The following CPO variants were observed in gnomAD, a reference collection of about 807,000 sequenced individuals.
CPO encodes carboxypeptidase O, also known as metallocarboxypeptidase C.
Under a neutral mutation model 41.2 loss-of-function variants are expected in CPO, and 43 were observed. The observed-to-expected ratio is 1.04, with a 90% CI of 0.82 to 1.35. The LOEUF is 1.35. Ranked by LOEUF, CPO falls within the 40% of genes most tolerant of loss-of-function variation. The probability of loss-of-function intolerance (pLI) is 0.00; values close to 1 mark genes in which losing one functional copy is unlikely to be tolerated. For missense variants in CPO, 408 were observed against 451.7 expected (o/e 0.90, Z 0.88); for synonymous variants, 178 against 162.7 (o/e 1.09, Z -0.72).
At chr2:206,944,301 A>G (rs1274481664) in intron 1 of CPO, among the ~76,000 whole-genome samples, 2 of 152,048 alleles carry the variant, frequency 1.3e-5, no homozygotes, top group Non-Finnish European at 2.9e-5. Flanking sequence ...ATGAATTTTT[A>G]TGAATTTTAA....
intron 1 of CPO, among the ~76,000 whole-genome samples, chr2:206,943,083 G>C (rs1693058232): frequency 6.6e-6 from 1 of 152,162 alleles, no homozygotes; most frequent in South Asian, 2.1e-4. Context: ...ATTCCCCTCA[G>C]TGTTATGGCA....
chr2:206,949,838 A>T, intron 2 of CPO, 125 bp downstream of exon 2: 2 of 549,300 alleles, frequency 3.6e-6, no homozygotes, highest in Non-Finnish European at 3.3e-6. Flanking sequence ...AGATCTGCCA[A>T]TACATTGAGT....
rs756045381 is a variant in CPO, at chr2:206,969,161, T to G, written c.863-13T>G. 5 of 1,612,580 alleles carry G rather than the reference T, an allele frequency of 3.1e-6. No individual in the cohort carries two copies. Among genetic ancestry groups the G allele is most frequent in the Non-Finnish European group, 4.2e-6 (5 of 1,178,638 alleles). ...TATGACTTCTACCTCTGCCTTCATG[T>G]TTTCACCTGTAGATGCCTCATCAGG... On this transcript the variant is annotated splice_polypyrimidine_tract_variant and intron_variant, in intron 8 of 8. Transcript: ENST00000272852.
intron 2 of CPO, among the ~76,000 whole-genome samples, chr2:206,951,489 CT>C (rs970416420): frequency 4.6e-5 from 7 of 152,146 alleles, no homozygotes; most frequent in Admixed American, 4.6e-4. Context: ...TTCAAATGAC[CT>C]TTACCAATTT....
chr2:206,967,907 A>G (rs1169164735), intron 7 of CPO, among the ~76,000 whole-genome samples: 2 of 152,232 alleles, frequency 1.3e-5, no homozygotes, highest in African/African-American at 4.8e-5. Flanking sequence ...AAGATGCAAC[A>G]GACCATTTCA....
chr2:206,967,420 G>C (rs1328349255), intron 7 of CPO, among the ~76,000 whole-genome samples: 1 of 151,362 alleles, frequency 6.6e-6, no homozygotes, highest in Non-Finnish European at 1.5e-5. Context: ...AAAAGAAGAG[G>C]GGGGTCAGAG....
chr2:206,943,728 T>TG (rs1693080361), intron 1 of CPO, among the ~76,000 whole-genome samples: 105 of 123,696 alleles, frequency 8.5e-4, no homozygotes, highest in Non-Finnish European at 1.7e-3. Flanking sequence ...GATGGATAGA[T>TG]GATAGATAGA....
chr2:206,962,621 C>T lies in CPO; in HGVS notation c.777+7C>T, dbSNP rs777438246. The T allele has an allele frequency of 6.2e-7, 1 of 1,609,784 alleles. No individual in the cohort carries two copies. The highest frequency in any genetic ancestry group is 8.5e-7 in the Non-Finnish European group (1 of 1,176,224). On this transcript the variant is annotated splice_region_variant and intron_variant, in intron 7 of 8. Transcript: ENST00000272852. ...AAGTAACCACCCAGAAATGGTGAGT[C>T]CATAGCACCAAGGCCTCCAGAAAAA...
intron 1 of CPO, among the ~76,000 whole-genome samples, chr2:206,948,976 A>G (rs993024): frequency 0.69 from 105,253 of 151,878 alleles, 37,038 homozygotes; most frequent in Middle Eastern, 0.81. Context: ...TGAGAATAGC[A>G]GGTAAATGGG....
At position 206,958,389 on chromosome 2, in the gene CPO, A is replaced by G. The variant is rs1251688170; in HGVS notation, c.356A>G (p.Gln119Arg). Residue 119 changes from glutamine to arginine, a missense_variant, in exon 4 of 9, where the codon CAA (glutamine) becomes CGA (arginine). By Grantham distance (43) the Gln-to-Arg change is conservative (BLOSUM62 1). Transcript: ENST00000272852. ...AREWIAPAFC[Q>R]WFVKEILQNH... ...GAATGGATTGCTCCTGCTTTTTGCCAATGGTTCGTCAAAGAAGTAAGTGTC... is the reference window on the plus strand; with the variant it reads ...GAATGGATTGCTCCTGCTTTTTGCCGATGGTTCGTCAAAGAAGTAAGTGTC... The G allele has an allele frequency of 6.3e-7, 1 of 1,592,362 alleles. No individual in the cohort carries two copies.
At chr2:206,952,413 A>T (rs1460320255) in intron 2 of CPO, among the ~76,000 whole-genome samples, 1 of 152,272 alleles carries the variant, frequency 6.6e-6, no homozygotes, top group East Asian at 1.9e-4. Flanking sequence ...ATGCCCAGCC[A>T]ATTAACTATT....
chr2:206,955,406 C>T (rs1277716495), intron 2 of CPO, 57 bp from the exon 3 acceptor site: 22 of 952,652 alleles, frequency 2.3e-5, no homozygotes, highest in Non-Finnish European at 3.6e-5. Context: ...TTATCTTAAT[C>T]AGAGGCATGC....
chr2:206,939,836 A>G (rs1178599404), intron 1 of CPO, among the ~76,000 whole-genome samples, 169 bp downstream of exon 1: 1 of 152,122 alleles, frequency 6.6e-6, no homozygotes, highest in Non-Finnish European at 1.5e-5. Context: ...AATAATCATA[A>G]TCCTCTAATA....
At chr2:206,953,739 G>T (rs1461100784) in intron 2 of CPO, among the ~76,000 whole-genome samples, 1 of 152,202 alleles carries the variant, frequency 6.6e-6, no homozygotes, top group Non-Finnish European at 1.5e-5. Context: ...TTTCCTTTCT[G>T]AACTGCCTTA....
intron 2 of CPO, among the ~76,000 whole-genome samples, chr2:206,954,831 G>A (rs888924560): frequency 2.0e-5 from 3 of 152,098 alleles, no homozygotes; most frequent in Admixed American, 6.5e-5. Flanking sequence ...TTCACATGGC[G>A]GCAGCAAGGA....
chr2:206,969,290 C>G lies in CPO; in HGVS notation c.979C>G (p.Gln327Glu). Residue 327 changes from glutamine to glutamate, a missense_variant, in exon 9 of 9, where the codon CAG becomes GAG. Gln to Glu is a conservative substitution (Grantham distance 29). Transcript: ENST00000272852. The part of the protein sequence containing the change: ...YGFVLPEAQI[Q>E]PTCEETMEAV... ...GTTTGTTCTGCCAGAAGCTCAGATC[C>G]AGCCCACCTGTGAGGAGACCATGGA... 1 of 1,614,108 alleles carries G rather than the reference C, an allele frequency of 6.2e-7. No individual in the cohort carries two copies. Among genetic ancestry groups the G allele is most frequent in the Non-Finnish European group, 8.5e-7 (1 of 1,180,014 alleles).
At chr2:206,955,653 G>T (rs1053587902) in intron 3 of CPO, 89 bp downstream of exon 3, 2 of 813,718 alleles carry the variant, frequency 2.5e-6, no homozygotes, top group Non-Finnish European at 4.3e-6. Context: ...CAGAAGTGTG[G>T]AAAAGAGGCT....
At chr2:206,942,551 A>G (rs1279170256) in intron 1 of CPO, among the ~76,000 whole-genome samples, 1 of 152,128 alleles carries the variant, frequency 6.6e-6, no homozygotes, top group Non-Finnish European at 1.5e-5. Flanking sequence ...CTCTTTATAC[A>G]TTCCAGTCAA....
chr2:206,965,463 A>G (rs1273015899), intron 7 of CPO, among the ~76,000 whole-genome samples: 1 of 152,110 alleles, frequency 6.6e-6, no homozygotes, highest in Non-Finnish European at 1.5e-5. Context: ...TAAATATTAT[A>G]CTACATGATA....
Sources: gnomAD v4.1 joint callset for allele counts (sites outside exome capture counted in the v4.1 genomes callset) on GRCh38, gnomAD v4.1.1 for gene constraint, MANE v1.5 for transcripts, NCBI Gene and HGNC (gene_info 2026-07-23, HGNC 2026-07-21) for gene names.